The following PLCB1 variants were observed in gnomAD, a reference collection of about 807,000 sequenced individuals.
PLCB1 encodes the protein phospholipase C beta 1.
A neutral mutation model predicts 161.8 loss-of-function variants in PLCB1; 46 were observed. The observed-to-expected ratio is 0.28, with a 90% confidence interval of 0.22 to 0.36. PLCB1 has a LOEUF of 0.36. Among genes scored for constraint, PLCB1 ranks in the 10% least tolerant of loss-of-function variants. The pLI is 1.00. For synonymous variants in PLCB1, 517 were observed against 503.7 expected (o/e 1.03, Z -0.35); for missense variants, 1,016 against 1,472.5 (o/e 0.69, Z 5.07).
At chr20:8,509,355 G>A (rs1983776326) in intron 3 of PLCB1, among the ~76,000 whole-genome samples, 1 of 152,080 alleles carries the variant, frequency 6.6e-6, no homozygotes. Context: ...AAGACAACTG[G>A]GAAATGAAGT....
rs139482824 is a variant in PLCB1 at position 8,142,861 on chromosome 20, A to G, written c.100-7433A>G. ...TGGAAGTCCCTGGAACAATGCTTTT[A>G]ATTTCCTCCTTTCTCCACTCCTCGT... On this transcript the variant is annotated intron_variant, in intron 1 of 31. Transcript: ENST00000338037. 1.8e-3 allele frequency among the ~76,000 whole-genome samples: 276 copies of G among 152,292 alleles called. 1 individual carries two copies. Among genetic ancestry groups the G allele is most frequent in the South Asian group, 5.6e-3 (27 of 4,818 alleles).
At chr20:8,528,188 T>G (rs1984657975) in intron 3 of PLCB1, among the ~76,000 whole-genome samples, 3 of 152,062 alleles carry the variant, frequency 2.0e-5, no homozygotes, top group African/African-American at 7.2e-5. Context: ...GCAATTCCAC[T>G]TCTGCATTTC....
Position 8,132,687 on chromosome 20 carries a change from A to T in PLCB1, c.36A>T (p.Gln12His). ...CTCAACCCGGAGTGCACGCCTTGCA[A>T]CTCAAGCCCGTGTGCGTGTCCGACA... ...AGAQPGVHAL[Q>H]LKPVCVSDSL... is the part of the protein sequence containing the mutation. Residue 12 changes from glutamine to histidine, a missense_variant, in exon 1 of 32, where the codon CAA becomes CAT. Gln to His is a conservative substitution (Grantham distance 24). Around this residue, in one of 10 missense-constraint regions of PLCB1, gnomAD observed 181 missense variants for 236.7 expected, o/e 0.76. Coordinates refer to ENST00000338037, the MANE Select transcript of PLCB1 (RefSeq NM_015192.4). This position sits in a 1 kb window ranked among gnomAD's most constrained non-coding sequence, Gnocchi z 5.2. The T allele has an allele frequency of 6.2e-7, 1 of 1,612,832 alleles. No individual in the cohort carries two copies. Among genetic ancestry groups the T allele is most frequent in the Non-Finnish European group, 8.5e-7 (1 of 1,179,352 alleles).
chr20:8,451,873 T>C (rs189445300), intron 3 of PLCB1, among the ~76,000 whole-genome samples: 335 of 152,140 alleles, frequency 2.2e-3, no homozygotes, highest in African/African-American at 7.9e-3. Context: ...TTCTTCCCTC[T>C]CTTCCTTTTT....
At chr20:8,590,314 T>C (rs1184962123) in intron 3 of PLCB1, among the ~76,000 whole-genome samples, 1 of 152,192 alleles carries the variant, frequency 6.6e-6, no homozygotes, top group Non-Finnish European at 1.5e-5. Context: ...TTTCATCTCA[T>C]TATATGAATG....
chr20:8,273,256 T>C (rs1228981672), intron 2 of PLCB1, among the ~76,000 whole-genome samples: 2 of 152,190 alleles, frequency 1.3e-5, no homozygotes, highest in Admixed American at 6.6e-5. Context: ...AAATCTTGCA[T>C]GTATGTAACC....
At chr20:8,590,397 A>G (rs1246737901) in intron 3 of PLCB1, among the ~76,000 whole-genome samples, 2 of 152,158 alleles carry the variant, frequency 1.3e-5, no homozygotes, top group Non-Finnish European at 2.9e-5. Flanking sequence ...TATACAATAA[A>G]TTTAGTTCCT....
intron 9 of PLCB1, among the ~76,000 whole-genome samples, chr20:8,681,119 T>TATATATATATAA (rs1485697576): frequency 0.05 from 4,013 of 80,810 alleles, 147 homozygotes; most frequent in Admixed American, 0.081. Flanking sequence ...TATATATATA[T>TATATATATATAA]AATATATATA....
chr20:8,182,452 A>G (rs1023344946), intron 2 of PLCB1, among the ~76,000 whole-genome samples: 2 of 152,188 alleles, frequency 1.3e-5, no homozygotes, highest in Non-Finnish European at 2.9e-5. Context: ...ACGTCTGTCA[A>G]GAGAACAAGC....
At chr20:8,278,882 G>C (rs1982729840) in intron 2 of PLCB1, among the ~76,000 whole-genome samples, 1 of 151,832 alleles carries the variant, frequency 6.6e-6, no homozygotes, top group African/African-American at 2.4e-5. Flanking sequence ...GCATAAGAAT[G>C]CTCTTCTTAA....
intron 2 of PLCB1, among the ~76,000 whole-genome samples, chr20:8,245,374 T>C (rs375194619): frequency 6.6e-6 from 1 of 151,920 alleles, no homozygotes; most frequent in East Asian, 1.9e-4. Context: ...CTTTGTGCTA[T>C]AAAAATGATA....
chr20:8,623,626 C>T (rs1307098361), intron 3 of PLCB1, among the ~76,000 whole-genome samples: 1 of 152,064 alleles, frequency 6.6e-6, no homozygotes, highest in East Asian at 1.9e-4. Flanking sequence ...AGTCTGTTCT[C>T]CTTCTACTCC....
At chr20:8,406,009 T>C (rs2122492865) in intron 3 of PLCB1, among the ~76,000 whole-genome samples, 1 of 150,048 alleles carries the variant, frequency 6.7e-6, no homozygotes, top group South Asian at 2.1e-4. Flanking sequence ...GGGCTTTTTT[T>C]CTTCCTTTTT....
chr20:8,761,385 T>C (rs941546232), intron 25 of PLCB1, among the ~76,000 whole-genome samples: 29 of 152,222 alleles, frequency 1.9e-4, no homozygotes, highest in African/African-American at 6.8e-4. Context: ...ACATTGACTT[T>C]GGGAAAATTT....
At chr20:8,430,656 C>A (rs1359041015) in intron 3 of PLCB1, among the ~76,000 whole-genome samples, 1 of 152,108 alleles carries the variant, frequency 6.6e-6, no homozygotes, top group Non-Finnish European at 1.5e-5. Context: ...TTTGATTCTT[C>A]ATCAAAAGAA....
intron 31 of PLCB1, among the ~76,000 whole-genome samples, chr20:8,800,222 A>G (rs1043622529): frequency 6.6e-6 from 1 of 152,260 alleles, no homozygotes; most frequent in African/African-American, 2.4e-5. Flanking sequence ...TGCCAAGAAC[A>G]GCATTACAGT....
intron 3 of PLCB1, among the ~76,000 whole-genome samples, chr20:8,461,277 G>C (rs951916438): frequency 1.3e-5 from 2 of 152,130 alleles, no homozygotes; most frequent in African/African-American, 4.8e-5. Flanking sequence ...AAGAGGTCTA[G>C]TCTGCAGTTT....
At chr20:8,562,446 G>A (rs1986171641) in intron 3 of PLCB1, among the ~76,000 whole-genome samples, 1 of 152,096 alleles carries the variant, frequency 6.6e-6, no homozygotes, top group Non-Finnish European at 1.5e-5. Context: ...AAAAGAAGCA[G>A]GTTCTCTCAG....
intron 2 of PLCB1, among the ~76,000 whole-genome samples, chr20:8,224,603 A>G (rs540184880): frequency 2.0e-5 from 3 of 152,188 alleles, no homozygotes; most frequent in Non-Finnish European, 2.9e-5. Context: ...TTTAAAAAAA[A>G]TTTTTAAAGA....
Sources: gnomAD v4.1 joint callset for allele counts (sites outside exome capture counted in the v4.1 genomes callset) on GRCh38, gnomAD v4.1.1 for gene constraint, gnomAD v4.1.1 regional missense constraint, Gnocchi (gnomAD v3.1) non-coding constraint, MANE v1.5 for transcripts, NCBI Gene and HGNC (gene_info 2026-07-23, HGNC 2026-07-21) for gene names.